The following DNM1L variants were observed in gnomAD, a reference collection of about 807,000 sequenced individuals.
DNM1L encodes the protein dynamin-1-like protein.
A neutral mutation model predicts 92.8 loss-of-function variants in DNM1L; 33 were observed. The ratio of observed to expected loss-of-function variants is 0.36; its 90% confidence interval spans 0.27 to 0.48. The LOEUF (loss-of-function observed/expected upper bound fraction) is 0.48, where lower values mean the gene tolerates loss of function less well. DNM1L is among the 20% of genes least tolerant of loss of function. The pLI, the probability that DNM1L is intolerant of heterozygous loss-of-function variation, is 0.99. For synonymous variants in DNM1L, 284 were observed against 305.0 expected, an observed-to-expected ratio of 0.93 and a Z score of 0.72; for missense variants, 485 against 888.8, an observed-to-expected ratio of 0.55 and a Z score of 5.78.
chr12:32,739,534 G>A (rs1366168459), intron 16 of DNM1L, among the ~76,000 whole-genome samples: 1 of 152,138 alleles, frequency 6.6e-6, no homozygotes, highest in East Asian at 1.9e-4. Context: ...CTTGCTTTTT[G>A]TTAAAGAGTT....
chr12:32,738,805 G>A (rs745424742), intron 16 of DNM1L, among the ~76,000 whole-genome samples: 3 of 152,104 alleles, frequency 2.0e-5, no homozygotes, highest in Non-Finnish European at 4.4e-5. Context: ...ATTAAATAAT[G>A]TATAAATTAT....
At chr12:32,724,596 ATATATATAT>A (rs1565526509) in intron 9 of DNM1L, among the ~76,000 whole-genome samples, 6 of 41,654 alleles carry the variant, frequency 1.4e-4, no homozygotes, top group South Asian at 6.6e-4. Flanking sequence ...AAAAAAAAAT[ATATATATAT>A]ATATATATAT....
intron 2 of DNM1L, chr12:32,705,576 G>A (rs1435789127): frequency 2.6e-6 from 1 of 381,162 alleles, no homozygotes; most frequent in African/African-American, 2.1e-5. Flanking sequence ...CAAGCAATAT[G>A]CTTTGTTTCT....
chr12:32,731,725 C>T lies in DNM1L; in HGVS notation c.1357-129C>T, dbSNP rs1351080531. Reference sequence around the variant, plus strand: ...TAAGTAAAAGAAAATGACTGTTAGCCTGGCATGGTGGCTTCTACATGTAGT... The same window carrying T: ...TAAGTAAAAGAAAATGACTGTTAGCTTGGCATGGTGGCTTCTACATGTAGT... On this transcript the variant is annotated intron_variant, in intron 11 of 19. Transcript: ENST00000549701. The surrounding 1 kb of genome is among the most constrained non-coding windows in gnomAD (Gnocchi z 5.1). 2 of 981,568 alleles carry T rather than the reference C, an allele frequency of 2.0e-6. No individual in the cohort carries two copies. Among genetic ancestry groups the T allele is most frequent in the African/African-American group, 1.6e-5 (1 of 61,276 alleles). 60.8% of individuals were successfully genotyped at this position (981,568 alleles called of 1,614,324 possible).
chr12:32,681,643 C>T (rs1246949708), intron 1 of DNM1L, among the ~76,000 whole-genome samples: 1 of 132,642 alleles, frequency 7.5e-6, no homozygotes, highest in Non-Finnish European at 1.5e-5. Flanking sequence ...AAACAAGAAT[C>T]TCTTCTTGGT....
chr12:32,708,028 T>C, intron 3 of DNM1L, 125 bp from the exon 4 acceptor site: 1 of 613,030 alleles, frequency 1.6e-6, no homozygotes, highest in South Asian at 2.0e-5. Context: ...ATGTATACAT[T>C]AGAATTTTAT....
At chr12:32,733,659 A>G in intron 12 of DNM1L, 56 bp from the exon 13 acceptor site, 1 of 1,451,262 alleles carries the variant, frequency 6.9e-7, no homozygotes, top group Non-Finnish European at 9.7e-7. Flanking sequence ...TAAATTTCTC[A>G]AAGTAAAATA....
In DNM1L at chr12:32,679,313, C is replaced by A; in HGVS notation, c.-51C>A. On this transcript the variant is annotated 5_prime_UTR_variant, in exon 1 of 20. Transcript: ENST00000549701. The stretch of plus-strand genomic sequence containing the variant: ...AAGGAGGCGAACTGTGGGCCCCGGC[C>A]CCATTCATTGCCGTGGCCGGCGGGC... 1 of 1,280,964 alleles carries A rather than the reference C, an allele frequency of 7.8e-7. No individual in the cohort carries two copies. Among genetic ancestry groups the A allele is most frequent in the Non-Finnish European group, 1.1e-6 (1 of 884,082 alleles). The allele number at this position is 1,280,964 out of a possible 1,614,324, so 79.3% of individuals were successfully genotyped here.
intron 16 of DNM1L, among the ~76,000 whole-genome samples, chr12:32,739,277 T>TAAA (rs71831581): frequency 2.0e-4 from 31 of 151,952 alleles, no homozygotes; most frequent in African/African-American, 6.5e-4. Flanking sequence ...AAAGAATACC[T>TAAA]AAAAAAAACC....
At chr12:32,742,201 T>C (rs1277821367) in intron 18 of DNM1L, among the ~76,000 whole-genome samples, 3 of 151,902 alleles carry the variant, frequency 2.0e-5, no homozygotes, top group African/African-American at 7.3e-5. Context: ...ACCTCCTGGG[T>C]TCAAGTGATT....
chr12:32,687,384 G>A (rs556120870), intron 1 of DNM1L, among the ~76,000 whole-genome samples: 1 of 152,042 alleles, frequency 6.6e-6, no homozygotes, highest in South Asian at 2.1e-4. Context: ...CCATTTGTTG[G>A]AGAGACTGTT....
intron 13 of DNM1L, among the ~76,000 whole-genome samples, chr12:32,735,941 G>A (rs992444558): frequency 2.6e-5 from 4 of 151,692 alleles, no homozygotes; most frequent in Non-Finnish European, 5.9e-5. Context: ...GTTGGACTGT[G>A]TTCATGAAAT....
intron 6 of DNM1L, among the ~76,000 whole-genome samples, chr12:32,718,011 T>C (rs1236244762): frequency 1.6e-5 from 2 of 123,608 alleles, no homozygotes; most frequent in African/African-American, 6.3e-5. Flanking sequence ...ATAATATATA[T>C]AGTATATATA....
At position 32,713,158 on chromosome 12, in the gene DNM1L, G is replaced by C. The variant is rs758028293; in HGVS notation, c.457-51G>C. The stretch of plus-strand genomic sequence containing the variant: ...CTATCGATTAAATGTGGGTAAAAAA[G>C]CTGAGTTGATTTTTAATTATTAGTT... On this transcript the variant is annotated intron_variant, in intron 5 of 19. Transcript: ENST00000549701. The C allele has an allele frequency of 2.5e-6, 4 of 1,600,626 alleles. No homozygotes were observed. In the African/African-American group the frequency reaches 5.4e-5, roughly 21 times the overall value.
intron 7 of DNM1L, among the ~76,000 whole-genome samples, chr12:32,719,883 G>A (rs920062091): frequency 1.3e-5 from 2 of 152,154 alleles, no homozygotes; most frequent in African/African-American, 2.4e-5. Flanking sequence ...CGTGGGTAGT[G>A]AAAGAGCTGG....
At position 32,717,349 on chromosome 12, in the gene DNM1L, T is replaced by A. The variant is rs569059002; in HGVS notation, c.620-1294T>A. On this transcript the variant is annotated intron_variant, in intron 6 of 19. Transcript: ENST00000549701. ...TATATATTTTATATATACTATATAT[T>A]ATATATAGTATATATAATATATATA... is the stretch of plus-strand genomic sequence containing the variant. Among the ~76,000 whole-genome samples, 445 of 62,548 alleles carry A rather than the reference T, an allele frequency of 7.1e-3. 21 individuals are homozygous for A. The highest frequency in any genetic ancestry group is 0.031 in the African/African-American group (384 of 12,364). 41.0% of individuals were successfully genotyped at this position (62,548 alleles called of 152,430 possible).
rs1228262190 is a variant in DNM1L, at chr12:32,745,104, T to C, written c.*1694T>C. ...ACCCCCACATCAGTCTGATACGATATGGTACTACTTTGAATCTGTTACTAG... is the reference window on the plus strand; with the variant it reads ...ACCCCCACATCAGTCTGATACGATACGGTACTACTTTGAATCTGTTACTAG... On this transcript the variant is annotated 3_prime_UTR_variant, in exon 20 of 20. Transcript: ENST00000549701. 2.2e-6 allele frequency: 1 copy of C among 449,298 alleles called. No individual in the cohort carries two copies. Among genetic ancestry groups the C allele is most frequent in the Non-Finnish European group, 4.3e-6 (1 of 232,632 alleles). The allele number at this position is 449,298 out of a possible 1,614,324, so 27.8% of individuals were successfully genotyped here.
rs560798307 is a variant in DNM1L at position 32,698,549 on chromosome 12, A to G, written c.103-2866A>G. 3.3e-5 allele frequency among the ~76,000 whole-genome samples: 5 copies of G among 152,292 alleles called. No homozygotes were observed. The South Asian group carries it at 1.0e-3, about 32-fold the overall frequency. On this transcript the variant is annotated intron_variant, in intron 1 of 19. Coordinates refer to ENST00000549701, the MANE Select transcript of DNM1L (RefSeq NM_012062.5). ...CCTTATGTAAATAAACCCTCTTTAA[A>G]TTAATCTAATTTGAGTGGGCCATCT...
chr12:32,703,296 A>G (rs1011245308), intron 2 of DNM1L, among the ~76,000 whole-genome samples: 2 of 152,000 alleles, frequency 1.3e-5, no homozygotes, highest in African/African-American at 4.8e-5. Flanking sequence ...CTGCCTACCT[A>G]CTGTTTTTTT....
Sources: allele counts gnomAD v4.1 joint callset (sites outside exome capture counted in the v4.1 genomes callset), GRCh38; gene constraint gnomAD v4.1.1; non-coding constraint Gnocchi (gnomAD v3.1); transcripts MANE v1.5; gene names NCBI Gene and HGNC (gene_info 2026-07-23, HGNC 2026-07-21).